Variants in ATP8A1 observed in about 807,000 individuals in gnomAD.
ATP8A1 encodes the protein ATPase phospholipid transporting 8A1.
In ATP8A1, 90 loss-of-function variants were observed where a neutral mutation model predicts 177.7. The ratio of observed to expected loss-of-function variants is 0.51; its 90% CI spans 0.43 to 0.60. The LOEUF (loss-of-function observed/expected upper bound fraction) is 0.60, where lower values mean the gene tolerates loss of function less well. Ranked by LOEUF, ATP8A1 falls within the 20% of genes least tolerant of loss-of-function variation. The probability of loss-of-function intolerance (pLI) is 0.00; values close to 1 mark genes in which losing one functional copy is unlikely to be tolerated. For synonymous variants in ATP8A1, 493 were observed against 485.9 expected (o/e 1.01, Z -0.19); for missense variants, 1,072 against 1,392.8 (o/e 0.77, Z 3.67).
At chr4:42,445,437 A>G (rs892510213) in intron 31 of ATP8A1, among the ~76,000 whole-genome samples, 2 of 152,228 alleles carry the variant, frequency 1.3e-5, no homozygotes, top group Non-Finnish European at 2.9e-5. Context: ...AAAACTCTAA[A>G]ATACTCAGAA....
At chr4:42,447,374 G>C (rs963454376) in intron 30 of ATP8A1, among the ~76,000 whole-genome samples, 1 of 151,924 alleles carries the variant, frequency 6.6e-6, no homozygotes, top group Non-Finnish European at 1.5e-5. Flanking sequence ...GTAGAGACGG[G>C]GTTTCACCAT....
chr4:42,480,137 T>C (rs903818278), intron 25 of ATP8A1, among the ~76,000 whole-genome samples: 2 of 152,124 alleles, frequency 1.3e-5, no homozygotes, highest in Non-Finnish European at 2.9e-5. Flanking sequence ...AGATTTCTTA[T>C]ATATTTTTAG....
intron 25 of ATP8A1, among the ~76,000 whole-genome samples, chr4:42,485,273 C>T (rs1458381516): frequency 6.6e-6 from 1 of 152,170 alleles, no homozygotes; most frequent in African/African-American, 2.4e-5. Context: ...GGCAAGAAAC[C>T]TGTCGATTCA....
intron 6 of ATP8A1, among the ~76,000 whole-genome samples, chr4:42,592,632 G>A (rs1734302438): frequency 6.6e-6 from 1 of 152,048 alleles, no homozygotes; most frequent in Non-Finnish European, 1.5e-5. Flanking sequence ...ACAATGACAG[G>A]TGTAGCTTCT....
chr4:42,436,568 G>T (rs542838820), intron 33 of ATP8A1, among the ~76,000 whole-genome samples: 2 of 152,346 alleles, frequency 1.3e-5, no homozygotes, highest in East Asian at 3.9e-4. Flanking sequence ...GTGAATGAAG[G>T]TCTACCTGTT....
At chr4:42,545,195 C>T (rs1405300107) in intron 19 of ATP8A1, among the ~76,000 whole-genome samples, 5 of 151,818 alleles carry the variant, frequency 3.3e-5, no homozygotes, top group African/African-American at 1.2e-4. Flanking sequence ...ATTTAAGTTC[C>T]CTCTTTCTTT....
Position 42,625,651 on chromosome 4 carries a change from G to A in ATP8A1, c.227C>T (p.Ala76Val). Residue 76 changes from alanine (A) to valine (V), a missense_variant, in exon 3 of 37, where the codon GCT becomes GTT. Transcript: ENST00000381668. ...PRFLYSQFRR[A>V]ANSFFLFIAL... The stretch of plus-strand genomic sequence containing the variant: ...AATAAAGAGAAAAAATGAATTAGCA[G>A]CTCTTCTGAACTGAGAGTAGAGAAA... The A allele has an allele frequency of 6.2e-7, 1 of 1,608,288 alleles. No individual in the cohort carries two copies. The highest frequency in any genetic ancestry group is 8.5e-7 in the Non-Finnish European group (1 of 1,177,110).
intron 27 of ATP8A1, among the ~76,000 whole-genome samples, chr4:42,455,999 C>G (rs369174512): frequency 1.3e-5 from 2 of 152,180 alleles, no homozygotes. Context: ...AAAAGTAACA[C>G]TTGTTTATTT....
Position 42,636,655 on chromosome 4 carries a change from A to T in ATP8A1, c.50-9546T>A, listed in dbSNP as rs544205770. ...GCATTAATACACCATCCCTGTACCG[A>T]GTGTTAATGCAGACTCTGTGCAGTG... On this transcript the variant is annotated intron_variant, in intron 1 of 36. Transcript: ENST00000381668. 9.3e-4 allele frequency among the ~76,000 whole-genome samples: 141 copies of T among 152,240 alleles called. 1 individual carries two copies. Among genetic ancestry groups the T allele is most frequent in the Non-Finnish European group, 1.9e-3 (126 of 68,016 alleles).
At chr4:42,509,849 C>CAAAAAAAAA (rs751055015) in intron 22 of ATP8A1, among the ~76,000 whole-genome samples, 1 of 79,010 alleles carries the variant, frequency 1.3e-5, no homozygotes, top group Non-Finnish European at 2.6e-5. Context: ...GAGACAGTCT[C>CAAAAAAAAA]AAAAAAAAAA....
intron 5 of ATP8A1, among the ~76,000 whole-genome samples, chr4:42,601,637 C>T (rs909663506): frequency 1.3e-5 from 2 of 152,186 alleles, no homozygotes; most frequent in East Asian, 1.9e-4. Context: ...TATGTCAAGG[C>T]CCATCAACAA....
intron 22 of ATP8A1, among the ~76,000 whole-genome samples, chr4:42,512,809 G>C (rs1226335262): frequency 2.6e-5 from 4 of 152,190 alleles, no homozygotes; most frequent in Non-Finnish European, 4.4e-5. Flanking sequence ...GTGAAGCCTG[G>C]AAATGTGCAG....
In ATP8A1 at chr4:42,464,946, T is replaced by C. The variant is rs1719573475; in HGVS notation, c.2455A>G (p.Ser819Gly). 6.2e-7 allele frequency: 1 copy of C among 1,614,126 alleles called. No individual in the cohort carries two copies. Among genetic ancestry groups the C allele is most frequent in the African/African-American group, 1.3e-5 (1 of 74,940 alleles). ...GCTGCCTGCAGGCCTTCATTGCCAC[T>C]GATACCAACACCAACGTGCGCTGTC... ...IQTAHVGVGI[S>G]GNEGLQAANS... Residue 819 changes from serine (S) to glycine (G), a missense_variant, in exon 26 of 37, where the codon AGT becomes GGT. Around this residue, in one of 5 missense-constraint regions of ATP8A1, gnomAD observed 316 missense variants for 459.1 expected, o/e 0.69. Transcript: ENST00000381668.
chr4:42,616,091 AG>A lies in ATP8A1; in HGVS notation c.364-14del, dbSNP rs749639220. ...CTTTATGTCGTTTCTAAAGTTTAAAAGCAAAAAGAACAACTGTGAAAATGTG... is the reference window on the plus strand; with the variant it reads ...CTTTATGTCGTTTCTAAAGTTTAAAACAAAAAGAACAACTGTGAAAATGTG... On this transcript the variant is annotated splice_polypyrimidine_tract_variant and intron_variant, in intron 4 of 36. Transcript: ENST00000381668. The A allele has an allele frequency of 2.5e-6, 4 of 1,608,990 alleles. No homozygotes were observed. Among genetic ancestry groups the A allele is most frequent in the Non-Finnish European group, 3.4e-6 (4 of 1,177,738 alleles).
At chr4:42,598,672 T>G (rs1309834264) in intron 6 of ATP8A1, among the ~76,000 whole-genome samples, 1 of 152,200 alleles carries the variant, frequency 6.6e-6, no homozygotes, top group Non-Finnish European at 1.5e-5. Context: ...TATCAAAGTT[T>G]GGATGCTTTC....
intron 15 of ATP8A1, among the ~76,000 whole-genome samples, chr4:42,556,545 C>G (rs527902753): frequency 1.4e-4 from 22 of 152,072 alleles, no homozygotes; most frequent in South Asian, 1.0e-3. Flanking sequence ...TCATTAATAT[C>G]TGAGCAAATA....
chr4:42,531,859 C>T (rs548928798), intron 20 of ATP8A1, among the ~76,000 whole-genome samples: 97 of 152,198 alleles, frequency 6.4e-4, no homozygotes, highest in Non-Finnish European at 2.9e-4. Context: ...TGGCTCACAC[C>T]TGTAATCCTA....
At chr4:42,577,710 A>C (rs1041394079) in intron 12 of ATP8A1, among the ~76,000 whole-genome samples, 1 of 152,194 alleles carries the variant, frequency 6.6e-6, no homozygotes, top group African/African-American at 2.4e-5. Context: ...AAAAATTATG[A>C]AGAAAAATTC....
intron 14 of ATP8A1, 106 bp from the exon 15 acceptor site, chr4:42,569,311 A>G: frequency 2.7e-6 from 2 of 747,520 alleles, no homozygotes; most frequent in South Asian, 4.3e-5. Context: ...GATCACTGAA[A>G]AGTTAACAAA....
Sources: gnomAD v4.1 joint callset for allele counts (sites outside exome capture counted in the v4.1 genomes callset) on GRCh38, gnomAD v4.1.1 for gene constraint, gnomAD v4.1.1 regional missense constraint, MANE v1.5 for transcripts, NCBI Gene and HGNC (gene_info 2026-07-23, HGNC 2026-07-21) for gene names.